Variants in NGEF observed in about 807,000 individuals in gnomAD.
NGEF encodes the protein neuronal guanine nucleotide exchange factor.
Under a neutral mutation model 80.9 loss-of-function variants are expected in NGEF, and 31 were observed. That is an observed-to-expected ratio of 0.38 (90% CI 0.29 to 0.52). NGEF has a LOEUF of 0.52. Among genes scored for constraint, NGEF ranks in the 20% least tolerant of loss-of-function variants. NGEF has a pLI of 0.84. For missense variants in NGEF, 709 were observed against 926.2 expected, an observed-to-expected ratio of 0.77 and a Z score of 3.04; for synonymous variants, 371 against 370.2, an observed-to-expected ratio of 1.00 and a Z score of -0.03.
intron 3 of NGEF, among the ~76,000 whole-genome samples, chr2:232,938,551 CT>C (rs1280915165): frequency 6.6e-6 from 1 of 151,882 alleles, no homozygotes; most frequent in Non-Finnish European, 1.5e-5. Flanking sequence ...CAAGAGGAGC[CT>C]GGGCTTTTGA....
At position 232,934,875 on chromosome 2, in the gene NGEF, G is replaced by T. The variant is rs150973012; in HGVS notation, c.384-7689C>A. On this transcript the variant is annotated intron_variant, in intron 3 of 14. Coordinates refer to ENST00000264051, the MANE Select transcript of NGEF (RefSeq NM_019850.3). ...ATGACAAAATTAGCCAGGCATGGTA[G>T]CATGCACCTGCAGTTCCAGCTACTC... Among the ~76,000 whole-genome samples the T allele has an allele frequency of 5.3e-3, 804 of 152,094 alleles. 6 individuals carry two copies. The highest frequency in any genetic ancestry group is 0.018 in the African/African-American group (750 of 41,486).
chr2:232,912,639 T>TA (rs767853957), intron 5 of NGEF, among the ~76,000 whole-genome samples: 1 of 152,212 alleles, frequency 6.6e-6, no homozygotes, highest in Non-Finnish European at 1.5e-5. Context: ...CTTATGGGCC[T>TA]ACAGATGGCA....
chr2:233,011,590 A>G (rs1159887112), intron 1 of NGEF, among the ~76,000 whole-genome samples: 1 of 21,952 alleles, frequency 4.6e-5, no homozygotes, highest in African/African-American at 1.0e-4. Context: ...AAGCAATGAA[A>G]AAAAAAAAAA....
intron 1 of NGEF, among the ~76,000 whole-genome samples, chr2:232,981,534 C>A (rs1694419183): frequency 6.6e-6 from 1 of 152,126 alleles, no homozygotes; most frequent in Non-Finnish European, 1.5e-5. Context: ...AGGCCCTGCA[C>A]TGGATGGATC....
chr2:232,919,060 G>A (rs1263021966), intron 5 of NGEF, among the ~76,000 whole-genome samples: 1 of 152,202 alleles, frequency 6.6e-6, no homozygotes, highest in Admixed American at 6.5e-5. Flanking sequence ...CAACACCCAG[G>A]TGAAGCCTAG....
intron 5 of NGEF, among the ~76,000 whole-genome samples, chr2:232,910,120 G>C (rs925520504): frequency 6.6e-6 from 1 of 152,182 alleles, no homozygotes; most frequent in African/African-American, 2.4e-5. Flanking sequence ...TGTCATGATT[G>C]GGGGGAGGGT....
rs1014730683 is a variant in NGEF, at chr2:232,920,686, C to T, written c.527-101G>A. ...TTCGTGTTCTTATCAAGGGTGGCTG[C>T]TGTGTCCAGGAATACACAGTGCAAG... On this transcript the variant is annotated intron_variant, in intron 4 of 14. Transcript: ENST00000264051. 8 of 1,240,962 alleles carry T rather than the reference C, an allele frequency of 6.4e-6. No homozygotes were observed. The Admixed American group carries it at 1.9e-4, about 29-fold the overall frequency. 76.9% of individuals were successfully genotyped at this position (1,240,962 alleles called of 1,614,324 possible). A position where few individuals can be genotyped will look rare whatever the true frequency, so the allele number is the denominator to read the frequency against.
chr2:232,963,878 A>G (rs552749523), intron 3 of NGEF, among the ~76,000 whole-genome samples: 124 of 152,338 alleles, frequency 8.1e-4, no homozygotes, highest in African/African-American at 2.9e-3. Context: ...GTGAGCAAAG[A>G]CTTGTGTTCA....
At chr2:232,968,498 T>A (rs1694114515) in intron 3 of NGEF, among the ~76,000 whole-genome samples, 1 of 151,670 alleles carries the variant, frequency 6.6e-6, no homozygotes. Context: ...CTCTGCCTTC[T>A]GGATTCAAGG....
At chr2:233,001,168 C>T (rs1390576891) in intron 1 of NGEF, among the ~76,000 whole-genome samples, 2 of 152,202 alleles carry the variant, frequency 1.3e-5, no homozygotes, top group African/African-American at 4.8e-5. Context: ...GCTGAACCAA[C>T]CAGATTCCCC....
At chr2:232,903,435 G>GGC (rs1207596917) in intron 5 of NGEF, among the ~76,000 whole-genome samples, 1 of 134,690 alleles carries the variant, frequency 7.4e-6, no homozygotes, top group Admixed American at 7.6e-5. Context: ...GTGACATGAG[G>GGC]GCACACACAC....
intron 4 of NGEF, among the ~76,000 whole-genome samples, chr2:232,924,151 C>T (rs1193642320): frequency 6.6e-6 from 1 of 152,154 alleles, no homozygotes; most frequent in Non-Finnish European, 1.5e-5. Context: ...GTAGGAGAAT[C>T]ACTTGAACCC....
Position 232,926,434 on chromosome 2 carries a change from T to C in NGEF, c.526+610A>G, listed in dbSNP as rs577533931. ...TGCTTCAGGTGCAGCTGTGTAGCAG[T>C]TGGACCACACAGGCTGAGCCTCGGC... On this transcript the variant is annotated intron_variant, in intron 4 of 14. Coordinates refer to ENST00000264051, the MANE Select transcript of NGEF (RefSeq NM_019850.3). 2.0e-5 allele frequency among the ~76,000 whole-genome samples: 3 copies of C among 152,176 alleles called. No homozygotes were observed. The East Asian group carries it at 5.8e-4, about 29-fold the overall frequency.
chr2:232,882,356 G>A (rs1001742183), intron 12 of NGEF, 91 bp from the exon 13 acceptor site: 1 of 1,166,926 alleles, frequency 8.6e-7, no homozygotes, highest in African/African-American at 1.5e-5. Flanking sequence ...CTGCCCCTCG[G>A]ATCTGCGTCC....
chr2:232,944,726 A>AACATATATATATATATATATATAT lies in NGEF; in HGVS notation c.384-17541_384-17540insATATATATATATATATATATATGT, dbSNP rs988760226. Among the ~76,000 whole-genome samples the AACATATATATATATATATATATAT allele has an allele frequency of 7.4e-5, 8 of 108,750 alleles. 1 individual carries two copies. The highest frequency in any genetic ancestry group is 5.7e-4 in the Admixed American group (6 of 10,616). 71.3% of individuals were successfully genotyped at this position (108,750 alleles called of 152,430 possible). A position where few individuals can be genotyped will look rare whatever the true frequency, so the allele number is the denominator to read the frequency against. ...TGGGCTAGGGGATAAGACTTTTCCG[A>AACATATATATATATATATATATAT]ATATATATATATATATATATATATA... On this transcript the variant is annotated intron_variant, in intron 3 of 14. Transcript: ENST00000264051.
At chr2:232,904,511 G>A (rs1240141018) in intron 5 of NGEF, among the ~76,000 whole-genome samples, 1 of 152,152 alleles carries the variant, frequency 6.6e-6, no homozygotes, top group African/African-American at 2.4e-5. Flanking sequence ...GTACAGGCGT[G>A]AGCCACCACA....
At chr2:232,939,953 T>C (rs1233887243) in intron 3 of NGEF, among the ~76,000 whole-genome samples, 5 of 151,550 alleles carry the variant, frequency 3.3e-5, no homozygotes, top group Admixed American at 1.3e-4. Context: ...GCCGAGATCA[T>C]GTCACTGCAC....
chr2:232,951,027 G>C (rs368759291), intron 3 of NGEF, among the ~76,000 whole-genome samples: 2 of 152,162 alleles, frequency 1.3e-5, no homozygotes, highest in Admixed American at 6.5e-5. Flanking sequence ...TCCGGCATGC[G>C]GCTGGCTGTT....
chr2:232,955,793 A>G (rs570404736), intron 3 of NGEF, among the ~76,000 whole-genome samples: 8 of 152,356 alleles, frequency 5.3e-5, no homozygotes, highest in Admixed American at 5.2e-4. Context: ...TGCTGGGATT[A>G]TAGGCGTGAG....
Sources: gnomAD v4.1 joint callset for allele counts (sites outside exome capture counted in the v4.1 genomes callset) on GRCh38, gnomAD v4.1.1 for gene constraint, MANE v1.5 for transcripts, NCBI Gene and HGNC (gene_info 2026-07-23, HGNC 2026-07-21) for gene names.